HTRA4: variants seen among roughly 807,000 people sequenced by gnomAD.
HTRA4 encodes serine protease HTRA4.
Under a neutral mutation model 49.1 loss-of-function variants are expected in HTRA4, and 46 were observed. That is an observed-to-expected ratio of 0.94 (90% CI 0.74 to 1.20). The LOEUF (loss-of-function observed/expected upper bound fraction) is 1.20, where lower values mean the gene tolerates loss of function less well. HTRA4 is among the 50% of genes most tolerant of loss of function. The pLI, the probability that HTRA4 is intolerant of heterozygous loss-of-function variation, is 0.00. For synonymous variants in HTRA4, 261 were observed against 264.0 expected (o/e 0.99, Z 0.11); for missense variants, 602 against 636.9 (o/e 0.95, Z 0.59).
chr8:38,974,933 G>A, intron 1 of HTRA4, 98 bp from the exon 2 acceptor site: 1 of 1,430,438 alleles, frequency 7.0e-7, no homozygotes, highest in Admixed American at 1.7e-5. Context: ...CCCTCCCCAT[G>A]CACCTTTTGA....
rs139559180 is a variant in HTRA4 at position 38,977,862 on chromosome 8, T to A, written c.772-91T>A. The A allele has an allele frequency of 3.8e-6, 5 of 1,310,258 alleles. No homozygotes were observed. The African/African-American group carries it at 7.4e-5, about 19-fold the overall frequency. The allele number at this position is 1,310,258 out of a possible 1,614,324, so 81.2% of individuals were successfully genotyped here. On this transcript the variant is annotated intron_variant, in intron 3 of 8. Transcript: ENST00000302495. ...GGCCAAGGTGATAGAGACAGCGTCA[T>A]ATATGTGTTAGACACACACTTTGGT...
chr8:38,981,883 C>T (rs1203843898), intron 6 of HTRA4, 116 bp downstream of exon 6: 4 of 729,082 alleles, frequency 5.5e-6, no homozygotes, highest in Admixed American at 2.6e-5. Flanking sequence ...GAATTTTGCT[C>T]GTCATCCAGG....
In HTRA4 at chr8:38,974,625, G is replaced by A. The variant is rs1835320134; in HGVS notation, c.362G>A (p.Arg121His). 1.4e-6 allele frequency: 2 copies of A among 1,425,342 alleles called. No homozygotes were observed. Among genetic ancestry groups the A allele is most frequent in the African/African-American group, 1.5e-5 (1 of 66,696 alleles). 88.3% of individuals were successfully genotyped at this position (1,425,342 alleles called of 1,614,324 possible). The change falls in exon 1 of 9, where the codon CGC becomes CAC. Residue 121 changes from arginine (R) to histidine (H), a missense_variant. By Grantham distance (29) the Arg-to-His change is conservative. Coordinates refer to ENST00000302495, the MANE Select transcript of HTRA4 (RefSeq NM_153692.4). ...LGGAVCGSDRRTYPSMCALRA... is the reference protein window; with the variant it reads ...LGGAVCGSDRHTYPSMCALRA... ...GGGGCCGTGTGCGGCAGCGACAGGC[G>A]CACCTACCCCAGCATGTGCGCGCTC...
At chr8:38,975,161 C>T (rs376369408) in intron 2 of HTRA4, 31 bp downstream of exon 2, 1 of 1,599,122 alleles carries the variant, frequency 6.3e-7, no homozygotes, top group Non-Finnish European at 8.6e-7. Flanking sequence ...CCTCCACTGT[C>T]CCAGCTAATG....
chr8:38,975,159 G>T (rs756003535), intron 2 of HTRA4, 29 bp downstream of exon 2: 1 of 1,596,232 alleles, frequency 6.3e-7, no homozygotes, highest in South Asian at 1.1e-5. Flanking sequence ...GACCTCCACT[G>T]TCCCAGCTAA....
Position 38,974,544 on chromosome 8 carries a change from G to A in HTRA4, c.281G>A (p.Cys94Tyr). ...CAACCGTGCGCCCCGGGGCTGCAGT[G>A]CCTCCAGCCGCTGCGCCCCGGGTTC... Reference protein sequence around the residue: ...QGQPCAPGLQCLQPLRPGFPS... With the variant: ...QGQPCAPGLQYLQPLRPGFPS... The change falls in exon 1 of 9, where the codon TGC (cysteine) becomes TAC (tyrosine). Residue 94 changes from cysteine to tyrosine, a missense_variant. Transcript: ENST00000302495. 7.1e-7 allele frequency: 1 copy of A among 1,405,340 alleles called. No homozygotes were observed. Among genetic ancestry groups the A allele is most frequent in the Non-Finnish European group, 9.2e-7 (1 of 1,089,218 alleles). 87.1% of individuals were successfully genotyped at this position (1,405,340 alleles called of 1,614,324 possible). A position where few individuals can be genotyped will look rare whatever the true frequency, so the allele number is the denominator to read the frequency against.
intron 5 of HTRA4, among the ~76,000 whole-genome samples, chr8:38,981,380 T>C (rs1194730894): frequency 2.0e-5 from 3 of 152,066 alleles, no homozygotes; most frequent in Non-Finnish European, 4.4e-5. Context: ...TGCCCAGCCA[T>C]GAGCTCAAGA....
chr8:38,982,028 A>T (rs1007698308), intron 6 of HTRA4, among the ~76,000 whole-genome samples: 20 of 151,946 alleles, frequency 1.3e-4, no homozygotes, highest in African/African-American at 4.8e-4. Context: ...TCGTATTTTC[A>T]GTAGAGACGG....
At chr8:38,984,106 T>G (rs1327331345) in intron 8 of HTRA4, among the ~76,000 whole-genome samples, 2 of 151,954 alleles carry the variant, frequency 1.3e-5, no homozygotes, top group Non-Finnish European at 2.9e-5. Flanking sequence ...GTTCAAGCAA[T>G]TCTCCTGCCT....
chr8:38,979,340 A>G, intron 5 of HTRA4, 93 bp downstream of exon 5: 1 of 1,152,802 alleles, frequency 8.7e-7, no homozygotes, highest in Non-Finnish European at 1.3e-6. Flanking sequence ...CATGCCTGTA[A>G]TCCCAGCACA....
At chr8:38,981,077 T>TTTTTTTTTTTTG (rs1835415287) in intron 5 of HTRA4, among the ~76,000 whole-genome samples, 1 of 105,166 alleles carries the variant, frequency 9.5e-6, no homozygotes, top group Non-Finnish European at 1.8e-5. Context: ...TTTTTTTTTT[T>TTTTTTTTTTTTG]TTTTTTTTTT....
In HTRA4 at chr8:38,975,141, A is replaced by C; in HGVS notation, c.566+11A>C. The C allele has an allele frequency of 6.2e-7, 1 of 1,612,460 alleles. No homozygotes were observed. Among genetic ancestry groups the C allele is most frequent in the Non-Finnish European group, 8.5e-7 (1 of 1,179,414 alleles). On this transcript the variant is annotated intron_variant, in intron 2 of 8. Coordinates refer to ENST00000302495, the MANE Select transcript of HTRA4 (RefSeq NM_153692.4). ...GCAGCTGTGGGGCAGGTAAAGGAGG[A>C]GGAGGAAGACCTCCACTGTCCCAGC...
chr8:38,981,076 T>TTTTTTGTTTTTTTTTG (rs1564178993), intron 5 of HTRA4, among the ~76,000 whole-genome samples: 1 of 104,266 alleles, frequency 9.6e-6, no homozygotes, highest in Non-Finnish European at 1.8e-5. Flanking sequence ...TTTTTTTTTT[T>TTTTTTGTTTTTTTTTG]TTTTTTTTTT....
At position 38,974,394 on chromosome 8, in the gene HTRA4, G is replaced by GC. The variant is rs1413035560; in HGVS notation, c.133dup (p.Gln45ProfsTer34). 1 of 1,565,636 alleles carries GC rather than the reference G, an allele frequency of 6.4e-7. No homozygotes were observed. The highest frequency in any genetic ancestry group is 2.4e-5 in the East Asian group (1 of 42,298). On this transcript the variant is annotated frameshift_variant, in exon 1 of 9. Transcript: ENST00000302495. LOFTEE classifies it high-confidence loss of function. Reference sequence around the variant, plus strand: ...ACCCAGCCCTCCTGCCCCGCGGTCTGCCAGCCCACGCGCTGCCCCGCGCTG... The same window carrying GC: ...ACCCAGCCCTCCTGCCCCGCGGTCTGCCCAGCCCACGCGCTGCCCCGCGCTG...
chr8:38,988,114 G>A lies in HTRA4; in HGVS notation c.*16G>A, dbSNP rs759184047. 1 of 1,522,240 alleles carries A rather than the reference G, an allele frequency of 6.6e-7. No individual in the cohort carries two copies. The allele number at this position is 1,522,240 out of a possible 1,614,324, so 94.3% of individuals were successfully genotyped here. A position where few individuals can be genotyped will look rare whatever the true frequency, so the allele number is the denominator to read the frequency against. ...AATCAATTAAATATCTTGTTTTAAA[G>A]TGGGATTATCTAAAAAAAAAAAAAC... On this transcript the variant is annotated 3_prime_UTR_variant, in exon 9 of 9. Coordinates refer to ENST00000302495, the MANE Select transcript of HTRA4 (RefSeq NM_153692.4).
intron 1 of HTRA4, 95 bp from the exon 2 acceptor site, chr8:38,974,935 AC>A: frequency 6.9e-7 from 1 of 1,443,820 alleles, no homozygotes; most frequent in Non-Finnish European, 9.6e-7. Context: ...CTCCCCATGC[AC>A]CTTTTGAACA....
intron 8 of HTRA4, among the ~76,000 whole-genome samples, chr8:38,984,291 A>G (rs28523000): frequency 0.41 from 62,396 of 150,944 alleles, 13,427 homozygotes; most frequent in East Asian, 0.75. Context: ...ATGAGCCACC[A>G]CGCCTGGCCA....
chr8:38,979,145 C>T lies in HTRA4; in HGVS notation c.967-70C>T, dbSNP rs574939666. 2.2e-6 allele frequency: 3 copies of T among 1,372,276 alleles called. No individual in the cohort carries two copies. In the South Asian group the frequency reaches 3.5e-5, roughly 16 times the overall value. 85.0% of individuals were successfully genotyped at this position (1,372,276 alleles called of 1,614,324 possible). ...TGCTTTTGGTAAACTGTTTTGGGAG[C>T]TATGTGTAAAGGACAAGGGGGAATG... On this transcript the variant is annotated intron_variant, in intron 4 of 8. Coordinates refer to ENST00000302495, the MANE Select transcript of HTRA4 (RefSeq NM_153692.4).
Position 38,974,654 on chromosome 8 carries a change from G to C in HTRA4, c.391G>C (p.Ala131Pro). Residue 131 changes from alanine to proline, a missense_variant, in exon 1 of 9, where the codon GCC becomes CCC. By Grantham distance (27) the Ala-to-Pro change is conservative (BLOSUM62 -1). Transcript: ENST00000302495. ...CTACCCCAGCATGTGCGCGCTCCGGGCCGAAAACCGCGCCGCGCGCCGCCT... is the reference window on the plus strand; with the variant it reads ...CTACCCCAGCATGTGCGCGCTCCGGCCCGAAAACCGCGCCGCGCGCCGCCT... ...RTYPSMCALRAENRAARRLGK... is the reference protein window; with the variant it reads ...RTYPSMCALRPENRAARRLGK... The C allele has an allele frequency of 7.1e-7, 1 of 1,402,602 alleles. No homozygotes were observed. Among genetic ancestry groups the C allele is most frequent in the Non-Finnish European group, 9.2e-7 (1 of 1,087,960 alleles). The allele number at this position is 1,402,602 out of a possible 1,614,324, so 86.9% of individuals were successfully genotyped here.
Sources: allele counts gnomAD v4.1 joint callset (sites outside exome capture counted in the v4.1 genomes callset), GRCh38; gene constraint gnomAD v4.1.1; transcripts MANE v1.5; gene names NCBI Gene and HGNC (gene_info 2026-07-23, HGNC 2026-07-21).